Variants in EFNA5 observed in about 807,000 individuals in gnomAD.
EFNA5 encodes ephrin-A5.
A neutral mutation model predicts 22.9 loss-of-function variants in EFNA5; 5 were observed. The ratio of observed to expected loss-of-function variants is 0.22; its 90% CI spans 0.11 to 0.46. The LOEUF is 0.46. Among genes scored for constraint, EFNA5 ranks in the 20% least tolerant of loss-of-function variants. The probability of loss-of-function intolerance (pLI) is 0.99; values close to 1 mark genes in which losing one functional copy is unlikely to be tolerated. For missense variants in EFNA5, 237 were observed against 293.3 expected (o/e 0.81, Z 1.40); for synonymous variants, 113 against 112.2 (o/e 1.01, Z -0.04).
At chr5:107,496,272 G>A (rs1329030365) in intron 1 of EFNA5, among the ~76,000 whole-genome samples, 1 of 142,366 alleles carries the variant, frequency 7.0e-6, no homozygotes, top group East Asian at 2.2e-4. Flanking sequence ...GGAGGCAGAG[G>A]TTGCAGTGAG....
At chr5:107,593,407 G>A (rs1205121774) in intron 1 of EFNA5, among the ~76,000 whole-genome samples, 1 of 152,152 alleles carries the variant, frequency 6.6e-6, no homozygotes, top group African/African-American at 2.4e-5. Context: ...TGACTCTAAC[G>A]TGGTCGATAA....
At chr5:107,590,902 T>C (rs529998476) in intron 1 of EFNA5, among the ~76,000 whole-genome samples, 30 of 152,344 alleles carry the variant, frequency 2.0e-4, no homozygotes, top group African/African-American at 6.5e-4. Context: ...CCAATAATCA[T>C]AGACGCTTGT....
intron 1 of EFNA5, among the ~76,000 whole-genome samples, chr5:107,595,795 C>G (rs561392615): frequency 1.8e-4 from 27 of 152,264 alleles, no homozygotes; most frequent in Middle Eastern, 3.4e-3. Context: ...TTAAGTCTTT[C>G]AGTCCTCAAT....
chr5:107,485,631 CACTT>C, intron 1 of EFNA5, among the ~76,000 whole-genome samples: 1 of 152,286 alleles, frequency 6.6e-6, no homozygotes, highest in Admixed American at 6.5e-5. Flanking sequence ...TAGAGATACT[CACTT>C]ATTCTGTCTT....
At chr5:107,508,434 C>T (rs1747296674) in intron 1 of EFNA5, among the ~76,000 whole-genome samples, 2 of 152,178 alleles carry the variant, frequency 1.3e-5, no homozygotes, top group African/African-American at 4.8e-5. Context: ...TGCTGTAAAA[C>T]ACTATTTCCA....
intron 1 of EFNA5, among the ~76,000 whole-genome samples, chr5:107,526,910 G>A (rs1747706765): frequency 6.6e-6 from 1 of 152,162 alleles, no homozygotes; most frequent in African/African-American, 2.4e-5. Flanking sequence ...ATGGCTTAAA[G>A]TGGAAAAAAA....
intron 2 of EFNA5, among the ~76,000 whole-genome samples, chr5:107,393,734 C>T (rs1013369774): frequency 6.6e-6 from 1 of 152,114 alleles, no homozygotes; most frequent in African/African-American, 2.4e-5. Context: ...ACATACAACA[C>T]AAATATATGC....
intron 2 of EFNA5, among the ~76,000 whole-genome samples, chr5:107,391,794 C>T (rs957118565): frequency 2.6e-5 from 4 of 152,294 alleles, no homozygotes; most frequent in South Asian, 2.1e-4. Flanking sequence ...TGAGCTGCAA[C>T]GTACCAATCA....
At chr5:107,512,977 A>G (rs545896549) in intron 1 of EFNA5, among the ~76,000 whole-genome samples, 39 of 152,284 alleles carry the variant, frequency 2.6e-4, no homozygotes, top group Admixed American at 8.5e-4. Context: ...TTTGGACTGT[A>G]CTACTCTTAG....
intron 1 of EFNA5, among the ~76,000 whole-genome samples, chr5:107,487,352 A>G (rs1746660754): frequency 6.6e-6 from 1 of 152,152 alleles, no homozygotes; most frequent in African/African-American, 2.4e-5. Context: ...TGTTCCTTAA[A>G]AACTTTGTTT....
intron 1 of EFNA5, among the ~76,000 whole-genome samples, chr5:107,469,227 G>A (rs3890134): frequency 0.15 from 23,054 of 151,898 alleles, 1,994 homozygotes; most frequent in African/African-American, 0.23. Context: ...TGTTCCCTGC[G>A]CTCCTCAACT....
intron 1 of EFNA5, among the ~76,000 whole-genome samples, chr5:107,650,309 AC>A (rs1464246962): frequency 6.6e-6 from 1 of 152,082 alleles, no homozygotes; most frequent in East Asian, 1.9e-4. Flanking sequence ...TCTTCCCCTT[AC>A]TTGTTGTCTC....
intron 1 of EFNA5, among the ~76,000 whole-genome samples, chr5:107,630,942 T>C (rs1750236678): frequency 6.6e-6 from 1 of 152,132 alleles, no homozygotes; most frequent in South Asian, 2.1e-4. Flanking sequence ...AATATCAATA[T>C]CACTGTCTTC....
At chr5:107,502,480 C>G (rs1747157532) in intron 1 of EFNA5, among the ~76,000 whole-genome samples, 1 of 152,178 alleles carries the variant, frequency 6.6e-6, no homozygotes, top group Non-Finnish European at 1.5e-5. Flanking sequence ...GAATTGTGAT[C>G]CTGACACAAT....
intron 2 of EFNA5, among the ~76,000 whole-genome samples, chr5:107,424,963 C>T (rs1404590411): frequency 6.6e-6 from 1 of 152,118 alleles, no homozygotes; most frequent in African/African-American, 2.4e-5. Flanking sequence ...TGTTAATGAA[C>T]ATCTTTTTGC....
intron 1 of EFNA5, among the ~76,000 whole-genome samples, chr5:107,550,829 G>C (rs1046827731): frequency 6.6e-6 from 1 of 152,074 alleles, no homozygotes; most frequent in Non-Finnish European, 1.5e-5. Flanking sequence ...TGGTATTCTA[G>C]GTAGACTACA....
chr5:107,427,105 G>T, intron 2 of EFNA5, 112 bp downstream of exon 2: 1 of 1,132,944 alleles, frequency 8.8e-7, no homozygotes, highest in Non-Finnish European at 1.3e-6. Context: ...CATTTACAAG[G>T]AGATATCTGT....
intron 1 of EFNA5, among the ~76,000 whole-genome samples, chr5:107,524,775 C>G (rs547712446): frequency 3.9e-5 from 6 of 152,226 alleles, no homozygotes; most frequent in African/African-American, 1.4e-4. Flanking sequence ...AAGGGATGTC[C>G]TTTTTACAGC....
intron 4 of EFNA5, among the ~76,000 whole-genome samples, chr5:107,386,954 A>G (rs546505946): frequency 4.6e-5 from 7 of 152,342 alleles, no homozygotes; most frequent in African/African-American, 1.7e-4. Context: ...ATATGGTAAA[A>G]GGCAGTGAGA....
Sources: allele counts gnomAD v4.1 joint callset (sites outside exome capture counted in the v4.1 genomes callset), GRCh38; gene constraint gnomAD v4.1.1; transcripts MANE v1.5; gene names NCBI Gene and HGNC (gene_info 2026-07-23, HGNC 2026-07-21).